SYT16: variants seen among roughly 807,000 people sequenced by gnomAD.
SYT16 encodes the protein synaptotagmin 16.
Under a neutral mutation model 61.4 loss-of-function variants are expected in SYT16, and 42 were observed. That is an observed-to-expected ratio of 0.68 (90% CI 0.53 to 0.89). The LOEUF (loss-of-function observed/expected upper bound fraction) is 0.89. SYT16 is among the 40% of genes least tolerant of loss of function. The probability of loss-of-function intolerance (pLI) is 0.00; values close to 1 mark genes in which losing one functional copy is unlikely to be tolerated. For synonymous variants in SYT16, 314 were observed against 302.3 expected, an observed-to-expected ratio of 1.04 and a Z score of -0.40; for missense variants, 804 against 807.3, an observed-to-expected ratio of 1.00 and a Z score of 0.05.
chr14:61,922,063 A>G (rs1396391092), intron 1 of SYT16, among the ~76,000 whole-genome samples: 1 of 152,230 alleles, frequency 6.6e-6, no homozygotes, highest in East Asian at 1.9e-4. Flanking sequence ...GAAAGAGCAC[A>G]CTTAGGGCTC....
At position 61,970,311 on chromosome 14, in the gene SYT16, G is replaced by T. The variant is rs567782060; in HGVS notation, c.-145G>T. The T allele has an allele frequency of 1.3e-5, 2 of 152,338 alleles. No individual in the cohort carries two copies. Among genetic ancestry groups the T allele is most frequent in the East Asian group, 3.9e-4 (2 of 5,180 alleles). The allele number at this position is 152,338 out of a possible 1,614,324, so 9.4% of individuals were successfully genotyped here. On this transcript the variant is annotated splice_region_variant and 5_prime_UTR_variant, in exon 2 of 8. Transcript: ENST00000683842. ...CAAGACTGGGATTCACAAGGGGCTG[G>T]GTAAGCATTATGCTTCAAATTCTCC...
At chr14:62,074,403 A>G (rs1468192501) in intron 4 of SYT16, among the ~76,000 whole-genome samples, 4 of 152,172 alleles carry the variant, frequency 2.6e-5, no homozygotes, top group African/African-American at 4.8e-5. Context: ...CAGAGGAATG[A>G]GACATGGTCA....
intron 1 of SYT16, among the ~76,000 whole-genome samples, chr14:61,880,629 A>G (rs1225844309): frequency 1.3e-5 from 2 of 152,166 alleles, no homozygotes; most frequent in South Asian, 2.1e-4. Flanking sequence ...TTTTTCCTTA[A>G]TATCTTTCAG....
intron 1 of SYT16, among the ~76,000 whole-genome samples, chr14:61,946,183 A>AT (rs1465408759): frequency 6.6e-6 from 1 of 152,168 alleles, no homozygotes; most frequent in East Asian, 1.9e-4. Context: ...CGTTCTGCAC[A>AT]TGTATCCCGG....
chr14:62,053,224 G>A (rs139149545), intron 3 of SYT16, among the ~76,000 whole-genome samples: 11 of 152,292 alleles, frequency 7.2e-5, no homozygotes, highest in East Asian at 5.8e-4. Context: ...TTCTGATGAA[G>A]TCTCAGATGG....
chr14:62,075,268 C>T lies in SYT16; in HGVS notation c.870C>T (p.Ser290=). The part of the protein sequence containing the change: ...AKHHGTSHQE[S]SVVQSLRRQS... ...ACCACGGCACATCTCACCAAGAGTC[C>T]AGTGTGGTCCAAAGCCTCAGGCGCC... Residue 290 remains serine, a synonymous_variant, in exon 5 of 8, where the codon TCC becomes TCT. Transcript: ENST00000683842. The T allele has an allele frequency of 6.2e-7, 1 of 1,613,824 alleles. No homozygotes were observed. Among genetic ancestry groups the T allele is most frequent in the South Asian group, 1.1e-5 (1 of 91,064 alleles).
At chr14:61,886,777 C>G (rs534138536) in intron 1 of SYT16, among the ~76,000 whole-genome samples, 1 of 151,168 alleles carries the variant, frequency 6.6e-6, no homozygotes, top group East Asian at 1.9e-4. Context: ...CACAAATGTT[C>G]TTAATGACAT....
Position 62,110,645 on chromosome 14 carries a change from G to A in SYT16, c.*9938G>A, listed in dbSNP as rs533032864. On this transcript the variant is annotated 3_prime_UTR_variant, in exon 8 of 8. Transcript: ENST00000683842. ...TAGCTGTTCTGTCTCTGAGGAGCTA[G>A]AAATAAAATATTAGGTTCTAATTTT... The A allele has an allele frequency of 1.3e-5, 2 of 152,168 alleles. No individual in the cohort carries two copies. The highest frequency in any genetic ancestry group is 4.8e-5 in the African/African-American group (2 of 41,568). The allele number at this position is 152,168 out of a possible 1,614,324, so 9.4% of individuals were successfully genotyped here.
intron 3 of SYT16, among the ~76,000 whole-genome samples, chr14:61,996,849 T>G (rs1235981339): frequency 6.6e-6 from 1 of 152,084 alleles, no homozygotes; most frequent in Non-Finnish European, 1.5e-5. Flanking sequence ...TAAAAATATC[T>G]TGCAAAATGT....
intron 3 of SYT16, among the ~76,000 whole-genome samples, chr14:62,009,827 T>C (rs1307102957): frequency 6.6e-6 from 1 of 152,180 alleles, no homozygotes; most frequent in East Asian, 1.9e-4. Context: ...ATAGCACCTG[T>C]CAGACAGTTT....
intron 1 of SYT16, among the ~76,000 whole-genome samples, chr14:61,899,342 G>A (rs556341408): frequency 3.3e-5 from 5 of 152,184 alleles, no homozygotes; most frequent in Non-Finnish European, 7.3e-5. Context: ...CTTTGCCCAT[G>A]GCTGTTAGAG....
chr14:61,981,583 T>C (rs1055452150), intron 2 of SYT16, among the ~76,000 whole-genome samples: 3 of 152,212 alleles, frequency 2.0e-5, no homozygotes, highest in African/African-American at 4.8e-5. Flanking sequence ...ATTTTCTTGT[T>C]TCCCTGGCTC....
intron 1 of SYT16, among the ~76,000 whole-genome samples, chr14:61,879,991 T>C (rs550101897): frequency 6.6e-6 from 1 of 152,278 alleles, no homozygotes; most frequent in South Asian, 2.1e-4. Context: ...AAGATAAAAG[T>C]AGTAAGGCAG....
chr14:61,915,370 G>A (rs1321576876), intron 1 of SYT16, among the ~76,000 whole-genome samples: 2 of 152,046 alleles, frequency 1.3e-5, no homozygotes, highest in African/African-American at 4.8e-5. Context: ...ATAGATGTAT[G>A]CATACATAAC....
intron 1 of SYT16, among the ~76,000 whole-genome samples, chr14:61,969,857 A>T (rs1005174521): frequency 6.6e-6 from 1 of 152,156 alleles, no homozygotes; most frequent in African/African-American, 2.4e-5. Flanking sequence ...GAGCAAGAAG[A>T]GTTGTACTCC....
intron 1 of SYT16, among the ~76,000 whole-genome samples, chr14:61,813,542 A>G (rs1032929771): frequency 6.6e-6 from 1 of 152,224 alleles, no homozygotes; most frequent in Non-Finnish European, 1.5e-5. Context: ...AAACCAAGTC[A>G]CACCTGCGTA....
intron 1 of SYT16, among the ~76,000 whole-genome samples, chr14:61,911,632 A>C (rs573511604): frequency 2.6e-5 from 4 of 152,358 alleles, no homozygotes; most frequent in African/African-American, 9.6e-5. Flanking sequence ...TAAAAAATTG[A>C]AAGCATTAAA....
chr14:61,824,993 T>C (rs1177135176), intron 1 of SYT16, among the ~76,000 whole-genome samples: 2 of 152,064 alleles, frequency 1.3e-5, no homozygotes, highest in Non-Finnish European at 2.9e-5. Context: ...TATCAGTAAA[T>C]AAAACAAAAA....
intron 7 of SYT16, among the ~76,000 whole-genome samples, chr14:62,085,930 A>G (rs1488288501): frequency 6.6e-6 from 1 of 152,168 alleles, no homozygotes; most frequent in Non-Finnish European, 1.5e-5. Flanking sequence ...ACTTTTGCTA[A>G]CCTCTTTTGC....
Sources: allele counts gnomAD v4.1 joint callset (sites outside exome capture counted in the v4.1 genomes callset), GRCh38; gene constraint gnomAD v4.1.1; transcripts MANE v1.5; gene names NCBI Gene and HGNC (gene_info 2026-07-23, HGNC 2026-07-21).